TFDP1: variants seen among roughly 807,000 people sequenced by gnomAD.
The protein encoded by TFDP1 is DRTF1-polypeptide 1.
A neutral mutation model predicts 48.0 loss-of-function variants in TFDP1; 6 were observed. That is an observed-to-expected ratio of 0.13 (90% CI 0.07 to 0.25). The LOEUF (loss-of-function observed/expected upper bound fraction) is 0.25. TFDP1 is among the 10% of genes least tolerant of loss of function. TFDP1 has a pLI of 1.00. For missense variants in TFDP1, 335 were observed against 543.0 expected, an observed-to-expected ratio of 0.62 and a Z score of 3.81; for synonymous variants, 201 against 211.6, an observed-to-expected ratio of 0.95 and a Z score of 0.44.
rs1443463790 is a variant in TFDP1, at chr13:113,633,689, C to G, written c.475-201C>G. Among the ~76,000 whole-genome samples, 1 of 152,142 alleles carries G rather than the reference C, an allele frequency of 6.6e-6. No individual in the cohort carries two copies. The highest frequency in any genetic ancestry group is 1.5e-5 in the Non-Finnish European group (1 of 68,012). ...GCTCGACACCCGAGAGCCCCCGGCT[C>G]TCCTTCTGGAACACACTCAGGCTTC... is the stretch of plus-strand genomic sequence containing the variant. On this transcript the variant is annotated intron_variant, in intron 6 of 11. Coordinates refer to ENST00000375370, the MANE Select transcript of TFDP1 (RefSeq NM_007111.5). The surrounding 1 kb of genome is among the most constrained non-coding windows in gnomAD (Gnocchi z 4.5).
intron 3 of TFDP1, among the ~76,000 whole-genome samples, chr13:113,614,379 G>A (rs988803903): frequency 5.3e-5 from 8 of 152,288 alleles, no homozygotes; most frequent in Admixed American, 2.6e-4. Flanking sequence ...CAGGGTCCTC[G>A]GCGCCCTTAG....
chr13:113,587,625 C>T lies in TFDP1; in HGVS notation c.12+1776C>T, dbSNP rs553203259. Among the ~76,000 whole-genome samples, 138 of 151,830 alleles carry T rather than the reference C, an allele frequency of 9.1e-4. 1 individual carries two copies. The highest frequency in any genetic ancestry group is 8.0e-3 in the South Asian group (38 of 4,774). On this transcript the variant is annotated intron_variant, in intron 2 of 11. Transcript: ENST00000375370. ...TCAGCCTCCCGAGAAGCTAGGATTA[C>T]AGGCATGTGCCACCATGCCTGGCAA...
rs200859806 is a variant in TFDP1, at chr13:113,614,109, CGT to C, written c.79+3051_79+3052del. Among the ~76,000 whole-genome samples, 735 of 148,782 alleles carry C rather than the reference CGT, an allele frequency of 4.9e-3. 6 individuals are homozygous for C. Among genetic ancestry groups the C allele is most frequent in the South Asian group, 0.018 (86 of 4,686 alleles). On this transcript the variant is annotated intron_variant, in intron 3 of 11. Coordinates refer to ENST00000375370, the MANE Select transcript of TFDP1 (RefSeq NM_007111.5). ...TGTATGTGAGTTGTGTGCATATGCA[CGT>C]GTGAGTTGAGTTGTGTGCATGGAGT...
In TFDP1 at chr13:113,623,398, G is replaced by T. The variant is rs764188821; in HGVS notation, c.186+112G>T. 6.1e-5 allele frequency: 60 copies of T among 980,476 alleles called. No homozygotes were observed. The highest frequency in any genetic ancestry group is 8.7e-5 in the Non-Finnish European group (57 of 657,728). The allele number at this position is 980,476 out of a possible 1,614,324, so 60.7% of individuals were successfully genotyped here. A position where few individuals can be genotyped will look rare whatever the true frequency, so the allele number is the denominator to read the frequency against. ...TGCCTGGATTTGGGCTCCAGTTGCA[G>T]CATGGGGCCTTTCCCTCATCAGGGA... On this transcript the variant is annotated intron_variant, in intron 4 of 11. Transcript: ENST00000375370. The surrounding 1 kb of genome is among the most constrained non-coding windows in gnomAD (Gnocchi z 5.2).
rs977199313 is a variant in TFDP1 at position 113,627,768 on chromosome 13, G to A, written c.187-3855G>A. On this transcript the variant is annotated intron_variant, in intron 4 of 11. Transcript: ENST00000375370. This position sits in a 1 kb window ranked among gnomAD's most constrained non-coding sequence, Gnocchi z 4.1. ...ACATGCAGGATCTAGGTGGCACTCCGTATGAGAATCGAATGCCTGATGATC... is the reference window on the plus strand; with the variant it reads ...ACATGCAGGATCTAGGTGGCACTCCATATGAGAATCGAATGCCTGATGATC... Among the ~76,000 whole-genome samples the A allele has an allele frequency of 9.2e-5, 14 of 152,166 alleles. No homozygotes were observed. Among genetic ancestry groups the A allele is most frequent in the Non-Finnish European group, 1.5e-4 (10 of 68,036 alleles).
At chr13:113,611,214 G>C (rs964385246) in intron 3 of TFDP1, 152 bp downstream of exon 3, 2 of 676,554 alleles carry the variant, frequency 3.0e-6, no homozygotes, top group Non-Finnish European at 5.2e-6. Flanking sequence ...GGTGGGCGTA[G>C]GAGCCTTCTA....
Position 113,602,086 on chromosome 13 carries a change from G to A in TFDP1, c.13-8910G>A, listed in dbSNP as rs146280357. Among the ~76,000 whole-genome samples the A allele has an allele frequency of 6.9e-3, 1,024 of 147,788 alleles. 6 individuals carry two copies. Among genetic ancestry groups the A allele is most frequent in the Admixed American group, 0.013 (195 of 14,870 alleles). ...TACCCACAGCAGTCGAGGGAGAAGC[G>A]GATGGAGTTACCCGCAGGAGTCGAG... On this transcript the variant is annotated intron_variant, in intron 2 of 11. Coordinates refer to ENST00000375370, the MANE Select transcript of TFDP1 (RefSeq NM_007111.5).
chr13:113,630,333 G>A (rs1287057270), intron 4 of TFDP1, among the ~76,000 whole-genome samples: 1 of 152,174 alleles, frequency 6.6e-6, no homozygotes, highest in Non-Finnish European at 1.5e-5. Flanking sequence ...TCTGATCATC[G>A]GAGAGATGAG....
chr13:113,616,998 A>T (rs536938021), intron 3 of TFDP1, among the ~76,000 whole-genome samples: 49 of 152,088 alleles, frequency 3.2e-4, no homozygotes, highest in Non-Finnish European at 5.7e-4. Context: ...CAGGTGTGAG[A>T]TGGTGACTCT....
At chr13:113,592,120 A>G (rs1357410289) in intron 2 of TFDP1, among the ~76,000 whole-genome samples, 4 of 152,198 alleles carry the variant, frequency 2.6e-5, no homozygotes, top group Admixed American at 6.5e-5. Context: ...GAAGAGTTAT[A>G]TCTGCCTCTT....
At chr13:113,630,235 T>A (rs1481751862) in intron 4 of TFDP1, among the ~76,000 whole-genome samples, 1 of 152,170 alleles carries the variant, frequency 6.6e-6, no homozygotes, top group African/African-American at 2.4e-5. Context: ...CCAGGAGATT[T>A]ATCTTTTGTA....
chr13:113,629,835 G>A (rs547283111), intron 4 of TFDP1, among the ~76,000 whole-genome samples: 3 of 152,308 alleles, frequency 2.0e-5, no homozygotes, highest in East Asian at 1.9e-4. Flanking sequence ...GCACGGTGAC[G>A]GCATCTGTTT....
rs4150753 is a variant in TFDP1 at position 113,617,226 on chromosome 13, A to T, written c.80-5954A>T. Among the ~76,000 whole-genome samples, 609 of 152,344 alleles carry T rather than the reference A, an allele frequency of 4.0e-3. 5 individuals carry two copies. The highest frequency in any genetic ancestry group is 0.014 in the African/African-American group (571 of 41,586). On this transcript the variant is annotated intron_variant, in intron 3 of 11. Coordinates refer to ENST00000375370, the MANE Select transcript of TFDP1 (RefSeq NM_007111.5). Reference sequence around the variant, plus strand: ...ATAGCTTTTGTGTGGGAGCTGCCTCAGCCTGCATTCCAGGAGCTCAGGTTT... The same window carrying T: ...ATAGCTTTTGTGTGGGAGCTGCCTCTGCCTGCATTCCAGGAGCTCAGGTTT...
intron 3 of TFDP1, among the ~76,000 whole-genome samples, 183 bp from the exon 4 acceptor site, chr13:113,622,997 C>T (rs772633657): frequency 3.9e-5 from 6 of 152,246 alleles, no homozygotes; most frequent in East Asian, 1.9e-4. Context: ...CCTCCCCTTA[C>T]GGGTTTACAT....
intron 2 of TFDP1, among the ~76,000 whole-genome samples, chr13:113,592,400 G>A (rs1043258266): frequency 1.3e-5 from 2 of 152,192 alleles, no homozygotes; most frequent in East Asian, 1.9e-4. Context: ...CAGGTGATCC[G>A]CCCGCCTTGG....
At chr13:113,613,719 G>A (rs948986527) in intron 3 of TFDP1, among the ~76,000 whole-genome samples, 1 of 130,694 alleles carries the variant, frequency 7.7e-6, no homozygotes, top group East Asian at 2.3e-4. Context: ...GGGTATGTGA[G>A]GAGTGTGTGC....
At chr13:113,587,158 ACTGT>A (rs1168802823) in intron 2 of TFDP1, among the ~76,000 whole-genome samples, 3 of 151,852 alleles carry the variant, frequency 2.0e-5, no homozygotes, top group Non-Finnish European at 2.9e-5. Context: ...TTTCACTGGC[ACTGT>A]CTGTGAGCAG....
At chr13:113,611,215 G>A (rs537717323) in intron 3 of TFDP1, among the ~76,000 whole-genome samples, 153 bp downstream of exon 3, 1 of 152,238 alleles carries the variant, frequency 6.6e-6, no homozygotes, top group Admixed American at 6.5e-5. Flanking sequence ...GTGGGCGTAG[G>A]AGCCTTCTAG....
chr13:113,617,101 C>T (rs908024829), intron 3 of TFDP1, among the ~76,000 whole-genome samples: 2 of 152,072 alleles, frequency 1.3e-5, no homozygotes, highest in Admixed American at 1.3e-4. Flanking sequence ...GACTAGCACC[C>T]GTGTGTTCTC....
Sources: allele counts gnomAD v4.1 joint callset (sites outside exome capture counted in the v4.1 genomes callset), GRCh38; gene constraint gnomAD v4.1.1; non-coding constraint Gnocchi (gnomAD v3.1); transcripts MANE v1.5; gene names NCBI Gene and HGNC (gene_info 2026-07-23, HGNC 2026-07-21).